The following CCDC187 variants were observed in gnomAD, a reference collection of about 807,000 sequenced individuals.
CCDC187 encodes the protein coiled-coil domain containing 187.
Under a neutral mutation model 38.0 loss-of-function variants are expected in CCDC187, and 32 were observed. The ratio of observed to expected loss-of-function variants is 0.84; its 90% confidence interval spans 0.64 to 1.13. The LOEUF is 1.13. Among genes scored for constraint, CCDC187 ranks in the 50% most tolerant of loss-of-function variants. The probability of loss-of-function intolerance (pLI) is 0.00; values close to 1 mark genes in which losing one functional copy is unlikely to be tolerated. For missense variants in CCDC187, 707 were observed against 786.8 expected, an observed-to-expected ratio of 0.90 and a Z score of 1.21; for synonymous variants, 333 against 347.9, an observed-to-expected ratio of 0.96 and a Z score of 0.48.
intron 19 of CCDC187, among the ~76,000 whole-genome samples, 176 bp downstream of exon 19, chr9:136,262,135 C>G (rs1212433482): frequency 6.6e-6 from 1 of 152,272 alleles, no homozygotes; most frequent in Non-Finnish European, 1.5e-5. Flanking sequence ...GGTTGAGCTG[C>G]CACCGGCCGG....
At chr9:136,260,852 G>A (rs1478691909) in intron 19 of CCDC187, among the ~76,000 whole-genome samples, 2 of 152,196 alleles carry the variant, frequency 1.3e-5, no homozygotes, top group African/African-American at 4.8e-5. Context: ...CAGCTGAGGG[G>A]CTGCAGCCCG....
intron 12 of CCDC187, among the ~76,000 whole-genome samples, chr9:136,275,738 G>A (rs920234377): frequency 6.6e-6 from 1 of 152,234 alleles, no homozygotes; most frequent in Non-Finnish European, 1.5e-5. Context: ...GGCAGTGGGA[G>A]CTGCCTTTCG....
rs1831177560 is a variant in CCDC187 at position 136,286,269 on chromosome 9, T to TGGGGTGGCAAGCGTG, written c.2634_2648dup (p.Thr879_Pro883dup). The stretch of plus-strand genomic sequence containing the variant: ...TGGGCCCCAAGGCTCCAGGGCAGGC[T>TGGGGTGGCAAGCGTG]GGGGTGGCAAGCGTGGGGGTGGCGA... On this transcript the variant is annotated inframe_insertion, in exon 8 of 26. Transcript: ENST00000638797. 5.0e-6 allele frequency: 2 copies of TGGGGTGGCAAGCGTG among 398,432 alleles called. No homozygotes were observed. Among genetic ancestry groups the TGGGGTGGCAAGCGTG allele is most frequent in the East Asian group, 7.1e-5 (2 of 28,070 alleles). 24.7% of individuals were successfully genotyped at this position (398,432 alleles called of 1,614,324 possible).
At chr9:136,293,629 G>A (rs1208103145) in intron 4 of CCDC187, among the ~76,000 whole-genome samples, 3 of 150,572 alleles carry the variant, frequency 2.0e-5, no homozygotes, top group Non-Finnish European at 4.4e-5. Flanking sequence ...AATGCTGACA[G>A]GCACTCGCAT....
intron 12 of CCDC187, among the ~76,000 whole-genome samples, chr9:136,275,833 G>A (rs1830921727): frequency 6.6e-6 from 1 of 152,150 alleles, no homozygotes; most frequent in African/African-American, 2.4e-5. Context: ...GAGACCTGCC[G>A]GGGGTGTAAG....
chr9:136,276,542 A>G (rs1830934188), intron 11 of CCDC187, 109 bp downstream of exon 11: 3 of 151,930 alleles, frequency 2.0e-5, no homozygotes, highest in Admixed American at 1.3e-4. Context: ...TCTAAATTCT[A>G]TAGTCTGCAC....
intron 19 of CCDC187, among the ~76,000 whole-genome samples, chr9:136,261,883 C>T (rs1023994714): frequency 3.3e-5 from 5 of 152,246 alleles, no homozygotes; most frequent in South Asian, 2.1e-4. Flanking sequence ...AGGGCCATTT[C>T]GAGCCCGGAA....
At chr9:136,268,734 CAT>C (rs1167098422) in intron 14 of CCDC187, among the ~76,000 whole-genome samples, 1 of 152,034 alleles carries the variant, frequency 6.6e-6, no homozygotes, top group Non-Finnish European at 1.5e-5. Flanking sequence ...TGTGTGTATA[CAT>C]ATATATATAT....
intron 7 of CCDC187, among the ~76,000 whole-genome samples, chr9:136,288,084 A>G (rs1831224068): frequency 2.0e-5 from 3 of 152,064 alleles, no homozygotes; most frequent in African/African-American, 7.2e-5. Context: ...AGTCCCAGCT[A>G]CTCGGGAGGC....
At chr9:136,284,492 C>T (rs1224306183) in intron 9 of CCDC187, among the ~76,000 whole-genome samples, 1 of 152,186 alleles carries the variant, frequency 6.6e-6, no homozygotes, top group Non-Finnish European at 1.5e-5. Flanking sequence ...AGCAGCTGCT[C>T]AGGTCAGGCC....
At chr9:136,282,868 C>T (rs898119987) in intron 9 of CCDC187, among the ~76,000 whole-genome samples, 272 of 152,346 alleles carry the variant, frequency 1.8e-3, no homozygotes, top group African/African-American at 6.2e-3. Context: ...TGTTCTGGAA[C>T]CCGGGCTGGG....
chr9:136,263,235 C>CATT (rs71492113), intron 18 of CCDC187, among the ~76,000 whole-genome samples: 2 of 94,082 alleles, frequency 2.1e-5, no homozygotes, highest in Non-Finnish European at 2.2e-5. Context: ...GGGCCACAGG[C>CATT]TTTTTTTTTT....
rs1173388587 is a variant in CCDC187, at chr9:136,289,984, G to C, written c.2197C>G (p.Leu733Val). The C allele has an allele frequency of 5.1e-6, 2 of 395,632 alleles. No individual in the cohort carries two copies. Among genetic ancestry groups the C allele is most frequent in the Non-Finnish European group, 8.9e-6 (2 of 224,068 alleles). The allele number at this position is 395,632 out of a possible 1,614,324, so 24.5% of individuals were successfully genotyped here. A position where few individuals can be genotyped will look rare whatever the true frequency, so the allele number is the denominator to read the frequency against. Residue 733 changes from leucine to valine, a missense_variant, in exon 7 of 26, where the codon CTG becomes GTG. Transcript: ENST00000638797. ...CTGCCTGGGGCTTCCTGGCCCCCCAGCACCATGCCAGAGGTCACTTTGCTC... is the reference window on the plus strand; with the variant it reads ...CTGCCTGGGGCTTCCTGGCCCCCCACCACCATGCCAGAGGTCACTTTGCTC... ...EWSKVTSGMV[L>V]GGQEAPGSFC...
intron 14 of CCDC187, among the ~76,000 whole-genome samples, chr9:136,268,754 C>T (rs1272453054): frequency 1.3e-5 from 2 of 152,080 alleles, no homozygotes; most frequent in Admixed American, 1.3e-4. Context: ...TATTTTTTCA[C>T]ACACACATAT....
intron 10 of CCDC187, among the ~76,000 whole-genome samples, chr9:136,280,141 C>T (rs1039610817): frequency 1.5e-4 from 23 of 152,244 alleles, no homozygotes; most frequent in African/African-American, 4.8e-4. Context: ...GCCGCCCCAC[C>T]CCACCGGCAC....
rs544888017 is a variant in CCDC187 at position 136,258,999 on chromosome 9, G to T, written c.4299C>A (p.Ala1433=). The T allele has an allele frequency of 8.8e-5, 87 of 985,962 alleles. No individual in the cohort carries two copies. The highest frequency in any genetic ancestry group is 5.5e-4 in the Admixed American group (9 of 16,290). 61.1% of individuals were successfully genotyped at this position (985,962 alleles called of 1,614,324 possible). ...TGGGGAGGCGCCCCTCCGCCTCCTC[G>T]GCCTGGGGGGTGAGACGGGAGTGGA... ...DGQRLGPAFP[A]EEAEGRLPTA... The change falls in exon 22 of 26, where the codon GCC becomes GCA. Residue 1433 remains alanine, a splice_region_variant and synonymous_variant. Transcript: ENST00000638797. The surrounding 1 kb of genome is among the most constrained non-coding windows in gnomAD (Gnocchi z 4.3).
In CCDC187 at chr9:136,273,906, C is replaced by G. The variant is rs144509865; in HGVS notation, c.3442+752G>C. 3.1e-3 allele frequency among the ~76,000 whole-genome samples: 465 copies of G among 152,376 alleles called. 5 individuals carry two copies. Among genetic ancestry groups the G allele is most frequent in the African/African-American group, 0.011 (449 of 41,592 alleles). On this transcript the variant is annotated intron_variant, in intron 14 of 25. Transcript: ENST00000638797. ...GCATCTGCCATGATCACACTGAGGG[C>G]TGAAATCACCTTGTGGTGGTCTTGC... is the stretch of plus-strand genomic sequence containing the variant.
At chr9:136,281,258 G>C in intron 10 of CCDC187, 1 of 397,378 alleles carries the variant, frequency 2.5e-6, no homozygotes, top group South Asian at 1.4e-4. Flanking sequence ...GTAAGGAAGC[G>C]CCCTAGGAGG....
chr9:136,289,575 C>T (rs1450961860), intron 7 of CCDC187, among the ~76,000 whole-genome samples: 1 of 151,110 alleles, frequency 6.6e-6, no homozygotes. Context: ...AGAAAGGAGA[C>T]CCCCATGGCT....
Sources: allele counts gnomAD v4.1 joint callset (sites outside exome capture counted in the v4.1 genomes callset), GRCh38; gene constraint gnomAD v4.1.1; non-coding constraint Gnocchi (gnomAD v3.1); transcripts MANE v1.5; gene names NCBI Gene and HGNC (gene_info 2026-07-23, HGNC 2026-07-21).